BCKDHB: variants seen among roughly 807,000 people sequenced by gnomAD.
The protein encoded by BCKDHB is branched chain keto acid dehydrogenase E1 subunit beta.
In BCKDHB, 41 loss-of-function variants were observed where a neutral mutation model predicts 48.5. The ratio of observed to expected loss-of-function variants is 0.85; its 90% CI spans 0.66 to 1.10. The LOEUF is 1.10. BCKDHB is among the 50% of genes least tolerant of loss of function. The pLI is 0.00. For synonymous variants in BCKDHB, 201 were observed against 174.8 expected (o/e 1.15, Z -1.18); for missense variants, 496 against 494.2 (o/e 1.00, Z -0.03).
the BCKDHB span, among the ~76,000 whole-genome samples, chr6:80,421,788 T>G: frequency 6.6e-6 from 1 of 152,188 alleles, no homozygotes; most frequent in Non-Finnish European, 1.5e-5. Flanking sequence ...ATTCAAGAAG[T>G]GACCTGGCTG....
the BCKDHB span, among the ~76,000 whole-genome samples, chr6:80,408,643 T>C: frequency 2.6e-5 from 4 of 152,156 alleles, no homozygotes; most frequent in African/African-American, 9.7e-5. Flanking sequence ...GTTATTTGCA[T>C]AGAGGTGTTT....
At chr6:80,160,803 T>A (rs1772274623) in intron 3 of BCKDHB, among the ~76,000 whole-genome samples, 1 of 152,214 alleles carries the variant, frequency 6.6e-6, no homozygotes, top group Non-Finnish European at 1.5e-5. Flanking sequence ...ATTCCACACA[T>A]GTTTTCATTG....
At chr6:80,460,638 T>A in the BCKDHB span, among the ~76,000 whole-genome samples, 2 of 152,118 alleles carry the variant, frequency 1.3e-5, no homozygotes, top group Non-Finnish European at 2.9e-5. Context: ...CCTGACTTAG[T>A]GGTATATTTC....
chr6:80,391,264 C>T, the BCKDHB span, among the ~76,000 whole-genome samples: 7 of 151,864 alleles, frequency 4.6e-5, no homozygotes, highest in Non-Finnish European at 8.8e-5. Flanking sequence ...AATGGTGTCT[C>T]CAAAGATATG....
intron 9 of BCKDHB, among the ~76,000 whole-genome samples, chr6:80,309,164 A>T (rs1768032729): frequency 6.6e-6 from 1 of 151,188 alleles, no homozygotes; most frequent in Admixed American, 6.6e-5. Flanking sequence ...CCCAGGTTCA[A>T]GTGATTCTCC....
chr6:80,370,175 G>A, the BCKDHB span, among the ~76,000 whole-genome samples: 3 of 152,062 alleles, frequency 2.0e-5, no homozygotes, highest in Non-Finnish European at 4.4e-5. Flanking sequence ...TGAATAATTA[G>A]AGGACAATAT....
At chr6:80,393,997 T>A in the BCKDHB span, among the ~76,000 whole-genome samples, 2 of 152,214 alleles carry the variant, frequency 1.3e-5, no homozygotes, top group African/African-American at 4.8e-5. Context: ...TAGCTTACAA[T>A]ATTTTTCTTT....
chr6:80,313,685 T>C (rs1768285777), intron 9 of BCKDHB, among the ~76,000 whole-genome samples: 1 of 152,142 alleles, frequency 6.6e-6, no homozygotes, highest in African/African-American at 2.4e-5. Context: ...TGACCTATTT[T>C]ATTAATTTTT....
the BCKDHB span, among the ~76,000 whole-genome samples, chr6:80,358,993 A>G: frequency 6.6e-6 from 1 of 152,210 alleles, no homozygotes; most frequent in Non-Finnish European, 1.5e-5. Flanking sequence ...GAGGGCCCCA[A>G]CATTGTTAGT....
At chr6:80,308,520 A>C (rs1355325463) in intron 9 of BCKDHB, among the ~76,000 whole-genome samples, 1 of 151,994 alleles carries the variant, frequency 6.6e-6, no homozygotes, top group Non-Finnish European at 1.5e-5. Context: ...AATTTTGTAG[A>C]TATAATTAAA....
chr6:80,375,198 T>C, the BCKDHB span, among the ~76,000 whole-genome samples: 4 of 152,342 alleles, frequency 2.6e-5, no homozygotes, highest in Non-Finnish European at 5.9e-5. Context: ...TGTTTAGATC[T>C]CCAGCAAGGC....
chr6:80,409,826 T>C, the BCKDHB span, among the ~76,000 whole-genome samples: 3 of 151,730 alleles, frequency 2.0e-5, no homozygotes, highest in African/African-American at 7.3e-5. Context: ...TCTCTGCACA[T>C]GAAATGGGTC....
chr6:80,410,266 A>G, the BCKDHB span, among the ~76,000 whole-genome samples: 1 of 152,176 alleles, frequency 6.6e-6, no homozygotes, highest in Admixed American at 6.5e-5. Flanking sequence ...AGAATCTTGA[A>G]TACTGGCCCC....
At chr6:80,331,449 G>A (rs1339927031) in intron 9 of BCKDHB, among the ~76,000 whole-genome samples, 1 of 152,120 alleles carries the variant, frequency 6.6e-6, no homozygotes, top group Non-Finnish European at 1.5e-5. Context: ...TTATTCTTGT[G>A]AGCTATGGAG....
At chr6:80,172,856 C>G (rs1265692045) in intron 6 of BCKDHB, among the ~76,000 whole-genome samples, 1 of 151,944 alleles carries the variant, frequency 6.6e-6, no homozygotes, top group Non-Finnish European at 1.5e-5. Flanking sequence ...TAAATTGACT[C>G]TAGATTTATA....
the BCKDHB span, among the ~76,000 whole-genome samples, chr6:80,396,887 A>G: frequency 6.6e-6 from 1 of 152,190 alleles, no homozygotes; most frequent in Non-Finnish European, 1.5e-5. Context: ...CGTCTTGGGT[A>G]TGTCTTCATA....
chr6:80,149,450 C>T (rs926066926), intron 3 of BCKDHB, among the ~76,000 whole-genome samples: 1 of 152,052 alleles, frequency 6.6e-6, no homozygotes, highest in African/African-American at 2.4e-5. Context: ...ACCATTTGAC[C>T]CAGCCATCCC....
At chr6:80,417,756 G>A in the BCKDHB span, among the ~76,000 whole-genome samples, 1 of 148,636 alleles carries the variant, frequency 6.7e-6, no homozygotes, top group Non-Finnish European at 1.5e-5. Context: ...CTCTCTAGTT[G>A]CCTTTAACAT....
At chr6:80,366,569 T>G in the BCKDHB span, among the ~76,000 whole-genome samples, 1 of 152,282 alleles carries the variant, frequency 6.6e-6, no homozygotes, top group Non-Finnish European at 1.5e-5. Context: ...TTACATAATA[T>G]TTTCAGTGTT....
Sources: gnomAD v4.1 joint callset for allele counts (sites outside exome capture counted in the v4.1 genomes callset) on GRCh38, gnomAD v4.1.1 for gene constraint, MANE v1.5 for transcripts, NCBI Gene and HGNC (gene_info 2026-07-23, HGNC 2026-07-21) for gene names.